Variants in SYT16 observed in about 807,000 individuals in gnomAD.
SYT16 encodes synaptotagmin-16.
A neutral mutation model predicts 61.4 loss-of-function variants in SYT16; 42 were observed. The ratio of observed to expected loss-of-function variants is 0.68; its 90% CI spans 0.53 to 0.89. The LOEUF is 0.89. Ranked by LOEUF, SYT16 falls within the 40% of genes least tolerant of loss-of-function variation. The pLI is 0.00. For synonymous variants in SYT16, 314 were observed against 302.3 expected, an observed-to-expected ratio of 1.04 and a Z score of -0.40; for missense variants, 804 against 807.3, an observed-to-expected ratio of 1.00 and a Z score of 0.05.
intron 1 of SYT16, among the ~76,000 whole-genome samples, chr14:61,858,256 T>A (rs138145374): frequency 6.6e-6 from 1 of 151,716 alleles, no homozygotes; most frequent in Non-Finnish European, 1.5e-5. Flanking sequence ...GCCTTCCGCA[T>A]ACAGGGGAAA....
chr14:62,036,952 G>A (rs1300129948), intron 3 of SYT16, among the ~76,000 whole-genome samples: 1 of 152,168 alleles, frequency 6.6e-6, no homozygotes, highest in African/African-American at 2.4e-5. Context: ...GGGCTGAGAT[G>A]AACAAAGAGA....
At chr14:61,924,692 G>T (rs981661879) in intron 1 of SYT16, among the ~76,000 whole-genome samples, 2 of 152,090 alleles carry the variant, frequency 1.3e-5, no homozygotes, top group Non-Finnish European at 2.9e-5. Context: ...GCTTATGAGA[G>T]ACCTAGCAGA....
chr14:61,873,459 G>A (rs1380648779), intron 1 of SYT16, among the ~76,000 whole-genome samples: 1 of 152,190 alleles, frequency 6.6e-6, no homozygotes, highest in African/African-American at 2.4e-5. Context: ...AGCCCTGGCT[G>A]CCACTGGCCC....
intron 7 of SYT16, among the ~76,000 whole-genome samples, chr14:62,093,096 TCTG>T (rs1361270216): frequency 1.3e-5 from 2 of 152,196 alleles, no homozygotes; most frequent in East Asian, 3.9e-4. Flanking sequence ...CTCTGTACCT[TCTG>T]CTCAATTTTG....
At chr14:61,932,723 G>C (rs2049824409) in intron 1 of SYT16, among the ~76,000 whole-genome samples, 1 of 152,152 alleles carries the variant, frequency 6.6e-6, no homozygotes, top group African/African-American at 2.4e-5. Flanking sequence ...CACACAGATA[G>C]ATCTTCTCTC....
intron 3 of SYT16, among the ~76,000 whole-genome samples, chr14:62,053,337 C>T (rs2055395589): frequency 1.3e-5 from 2 of 152,206 alleles, no homozygotes; most frequent in Admixed American, 1.3e-4. Flanking sequence ...ATCTGCTCTC[C>T]TGATTCTTAA....
At chr14:61,945,283 G>C (rs2050378629) in intron 1 of SYT16, among the ~76,000 whole-genome samples, 1 of 152,152 alleles carries the variant, frequency 6.6e-6, no homozygotes. Context: ...TTACACTGTT[G>C]GTGGGAGTGT....
chr14:62,047,708 C>T (rs2055058979), intron 3 of SYT16, among the ~76,000 whole-genome samples: 3 of 152,074 alleles, frequency 2.0e-5, no homozygotes, highest in Non-Finnish European at 2.9e-5. Context: ...TTGTCAAAGG[C>T]CTTTTCTGCA....
At chr14:61,881,246 G>A (rs2047686912) in intron 1 of SYT16, among the ~76,000 whole-genome samples, 1 of 152,170 alleles carries the variant, frequency 6.6e-6, no homozygotes, top group Non-Finnish European at 1.5e-5. Context: ...TCTTAAATCT[G>A]AAATCACTCT....
chr14:62,053,583 AT>A (rs2055408013), intron 3 of SYT16, among the ~76,000 whole-genome samples: 2 of 152,172 alleles, frequency 1.3e-5, no homozygotes, highest in African/African-American at 4.8e-5. Flanking sequence ...TATTGTACTA[AT>A]TTTTAAATTC....
At chr14:61,984,015 C>A (rs1373605442) in intron 2 of SYT16, among the ~76,000 whole-genome samples, 1 of 152,114 alleles carries the variant, frequency 6.6e-6, no homozygotes, top group Non-Finnish European at 1.5e-5. Context: ...TTGAATGTTT[C>A]TTTTCAAAAT....
intron 3 of SYT16, among the ~76,000 whole-genome samples, chr14:62,058,584 C>T (rs751606350): frequency 4.1e-4 from 63 of 152,150 alleles, no homozygotes; most frequent in African/African-American, 1.2e-3. Flanking sequence ...AGGCTGGTCT[C>T]GACCTCTGAT....
At chr14:62,045,696 T>G (rs1373032327) in intron 3 of SYT16, among the ~76,000 whole-genome samples, 9 of 152,258 alleles carry the variant, frequency 5.9e-5, no homozygotes, top group South Asian at 4.1e-4. Context: ...AGTGAGAACA[T>G]GCGGTGTTTG....
chr14:62,075,248 G>A lies in SYT16; in HGVS notation c.850G>A (p.Gly284Ser), dbSNP rs770779262. 1.2e-5 allele frequency: 19 copies of A among 1,613,782 alleles called. No homozygotes were observed. Among genetic ancestry groups the A allele is most frequent in the African/African-American group, 2.7e-5 (2 of 75,002 alleles). The change falls in exon 5 of 8, where the codon GGC becomes AGC. Residue 284 changes from glycine (G) to serine (S), a missense_variant. By Grantham distance (56) the Gly-to-Ser change is moderately conservative. Coordinates refer to ENST00000683842, the MANE Select transcript of SYT16 (RefSeq NM_001367656.1). ...TGAAAGAGGGGATGCCAAACACCAC[G>A]GCACATCTCACCAAGAGTCCAGTGT... ...PCERGDAKHH[G>S]TSHQESSVVQ...
chr14:61,974,006 C>T (rs2051675266), intron 2 of SYT16, among the ~76,000 whole-genome samples: 1 of 152,134 alleles, frequency 6.6e-6, no homozygotes. Context: ...CCGCATGCTT[C>T]TTTTTGGAAT....
In SYT16 at chr14:62,109,499, C is replaced by T. The variant is rs939205920; in HGVS notation, c.*8792C>T. Reference sequence around the variant, plus strand: ...AAAGCTGCATATATTTTATATGATCCATCAAATAAAATGTAGCAACTTCCA... The same window carrying T: ...AAAGCTGCATATATTTTATATGATCTATCAAATAAAATGTAGCAACTTCCA... On this transcript the variant is annotated 3_prime_UTR_variant, in exon 8 of 8. Coordinates refer to ENST00000683842, the MANE Select transcript of SYT16 (RefSeq NM_001367656.1). 5.9e-5 allele frequency: 9 copies of T among 151,940 alleles called. No homozygotes were observed. Among genetic ancestry groups the T allele is most frequent in the Admixed American group, 5.9e-4 (9 of 15,232 alleles). The allele number at this position is 151,940 out of a possible 1,614,324, so 9.4% of individuals were successfully genotyped here. A position where few individuals can be genotyped will look rare whatever the true frequency, so the allele number is the denominator to read the frequency against.
chr14:61,991,738 G>C (rs1025981869), intron 2 of SYT16, among the ~76,000 whole-genome samples: 2 of 152,110 alleles, frequency 1.3e-5, no homozygotes, highest in African/African-American at 4.8e-5. Flanking sequence ...TGACAAAAAA[G>C]TACAGAACTA....
chr14:61,943,447 C>T (rs1566702385), intron 1 of SYT16, among the ~76,000 whole-genome samples: 1 of 152,148 alleles, frequency 6.6e-6, no homozygotes, highest in Non-Finnish European at 1.5e-5. Flanking sequence ...AATTTCAGGG[C>T]AATATCCCTC....
chr14:61,946,155 C>T (rs1254193127), intron 1 of SYT16, among the ~76,000 whole-genome samples: 1 of 151,968 alleles, frequency 6.6e-6, no homozygotes, highest in Non-Finnish European at 1.5e-5. Context: ...ACGTGTATAC[C>T]TATGTAACAA....
Sources: allele counts gnomAD v4.1 joint callset (sites outside exome capture counted in the v4.1 genomes callset), GRCh38; gene constraint gnomAD v4.1.1; transcripts MANE v1.5; gene names NCBI Gene and HGNC (gene_info 2026-07-23, HGNC 2026-07-21).